Variants in AGBL4 observed in about 807,000 individuals in gnomAD.
AGBL4 encodes the protein AGBL carboxypeptidase 4, also known as cytosolic carboxypeptidase 6.
A neutral mutation model predicts 66.4 loss-of-function variants in AGBL4; 58 were observed. The observed-to-expected ratio is 0.87, with a 90% CI of 0.71 to 1.09. AGBL4 has a LOEUF of 1.09. Among genes scored for constraint, AGBL4 ranks in the 50% least tolerant of loss-of-function variants. The pLI is 0.00. For synonymous variants in AGBL4, 234 were observed against 222.9 expected, an observed-to-expected ratio of 1.05 and a Z score of -0.44; for missense variants, 579 against 631.0, an observed-to-expected ratio of 0.92 and a Z score of 0.88.
chr1:48,865,278 C>A (rs1647928292), intron 6 of AGBL4, among the ~76,000 whole-genome samples: 1 of 152,142 alleles, frequency 6.6e-6, no homozygotes, highest in African/African-American at 2.4e-5. Context: ...TCCAATGGTG[C>A]TTCCTAACCT....
intron 3 of AGBL4, among the ~76,000 whole-genome samples, chr1:49,563,939 T>G (rs1474755532): frequency 6.6e-6 from 1 of 152,234 alleles, no homozygotes; most frequent in East Asian, 1.9e-4. Context: ...CATCTGGTCC[T>G]GGACTTTTTC....
In AGBL4 at chr1:49,756,022, C is replaced by T. The variant is rs546319413; in HGVS notation, c.158-58585G>A. ...CCAGACTCACGCCAAAATTTACTTA[C>T]GTCCAAACATTTTATACTAGTGTTT... On this transcript the variant is annotated intron_variant, in intron 2 of 13. Transcript: ENST00000371839. Among the ~76,000 whole-genome samples the T allele has an allele frequency of 4.4e-4, 67 of 152,266 alleles. 2 individuals are homozygous for T. The South Asian group carries it at 8.9e-3, about 20-fold the overall frequency.
At chr1:49,713,939 A>T (rs898231509) in intron 2 of AGBL4, among the ~76,000 whole-genome samples, 1 of 151,960 alleles carries the variant, frequency 6.6e-6, no homozygotes, top group African/African-American at 2.4e-5. Context: ...TTACTTCTAA[A>T]TGGATTTTAA....
intron 2 of AGBL4, among the ~76,000 whole-genome samples, chr1:49,740,056 C>A (rs1261162762): frequency 1.3e-5 from 2 of 152,038 alleles, no homozygotes; most frequent in East Asian, 3.9e-4. Flanking sequence ...ACAATATTAA[C>A]CTTAAATATA....
intron 1 of AGBL4, among the ~76,000 whole-genome samples, chr1:49,911,635 G>A (rs2148212330): frequency 6.6e-6 from 1 of 152,254 alleles, no homozygotes; most frequent in South Asian, 2.1e-4. Context: ...CCAAAACCTA[G>A]GAGGGTCATT....
chr1:49,180,926 T>A (rs758112081), intron 4 of AGBL4, among the ~76,000 whole-genome samples: 5 of 152,206 alleles, frequency 3.3e-5, no homozygotes, highest in Non-Finnish European at 7.3e-5. Flanking sequence ...CAGACATCTG[T>A]CTTCTGTTAG....
At chr1:49,537,250 G>A (rs532410523) in intron 3 of AGBL4, among the ~76,000 whole-genome samples, 10 of 152,172 alleles carry the variant, frequency 6.6e-5, no homozygotes, top group South Asian at 2.1e-4. Flanking sequence ...AATTTATCAC[G>A]AAGATCTCAA....
chr1:48,774,150 G>C (rs992210015), intron 6 of AGBL4, among the ~76,000 whole-genome samples: 6 of 152,228 alleles, frequency 3.9e-5, no homozygotes, highest in African/African-American at 1.4e-4. Context: ...GTGTCAGAGA[G>C]ATTAATTAAT....
intron 5 of AGBL4, among the ~76,000 whole-genome samples, chr1:48,979,502 T>A (rs1398873209): frequency 6.6e-6 from 1 of 152,078 alleles, no homozygotes; most frequent in East Asian, 1.9e-4. Flanking sequence ...GGCTTAAATA[T>A]ACAGTGATAA....
At chr1:49,679,766 A>G (rs534781525) in intron 3 of AGBL4, among the ~76,000 whole-genome samples, 4 of 152,258 alleles carry the variant, frequency 2.6e-5, no homozygotes, top group Non-Finnish European at 5.9e-5. Flanking sequence ...TGCTCTAGGT[A>G]GCATACCATA....
chr1:49,593,374 T>C (rs1401083806), intron 3 of AGBL4, among the ~76,000 whole-genome samples: 1 of 152,136 alleles, frequency 6.6e-6, no homozygotes, highest in East Asian at 1.9e-4. Context: ...ACCACTGCAC[T>C]CCAGCCTGGG....
intron 5 of AGBL4, among the ~76,000 whole-genome samples, chr1:48,974,278 CCAGGAATAGGA>C (rs1311505981): frequency 6.6e-6 from 1 of 152,116 alleles, no homozygotes; most frequent in African/African-American, 2.4e-5. Context: ...CCCCATTACC[CCAGGAATAGGA>C]CAGCCTTAAT....
intron 1 of AGBL4, among the ~76,000 whole-genome samples, chr1:49,893,430 A>G (rs1444942519): frequency 1.3e-5 from 2 of 152,188 alleles, no homozygotes; most frequent in South Asian, 2.1e-4. Context: ...GAGGGACCCA[A>G]TTCTAGGCCT....
At chr1:48,668,750 C>A (rs1646229309) in intron 6 of AGBL4, among the ~76,000 whole-genome samples, 1 of 152,156 alleles carries the variant, frequency 6.6e-6, no homozygotes, top group Non-Finnish European at 1.5e-5. Flanking sequence ...ATTTTATCAG[C>A]AATGTGAGGA....
intron 3 of AGBL4, among the ~76,000 whole-genome samples, chr1:49,409,061 A>G (rs909038530): frequency 1.2e-4 from 18 of 151,896 alleles, no homozygotes; most frequent in Non-Finnish European, 2.2e-4. Flanking sequence ...AGAGGCCTAA[A>G]CCAAATCTTT....
At chr1:49,236,647 C>T (rs1479296071) in intron 4 of AGBL4, among the ~76,000 whole-genome samples, 2 of 152,112 alleles carry the variant, frequency 1.3e-5, no homozygotes, top group Admixed American at 1.3e-4. Flanking sequence ...AAGACTGCAT[C>T]TTTTATTAGT....
intron 6 of AGBL4, among the ~76,000 whole-genome samples, chr1:48,844,423 T>C (rs1558034649): frequency 6.6e-6 from 1 of 152,212 alleles, no homozygotes; most frequent in Non-Finnish European, 1.5e-5. Context: ...GTGTTTAAAA[T>C]CAATGATGCT....
intron 3 of AGBL4, among the ~76,000 whole-genome samples, chr1:49,541,662 C>G (rs748456951): frequency 6.6e-6 from 1 of 152,160 alleles, no homozygotes; most frequent in Non-Finnish European, 1.5e-5. Context: ...AGGAGCGCTG[C>G]CCCCTGCTCC....
At chr1:49,255,946 T>C (rs1344623707) in intron 3 of AGBL4, among the ~76,000 whole-genome samples, 4 of 151,968 alleles carry the variant, frequency 2.6e-5, no homozygotes, top group African/African-American at 9.7e-5. Context: ...CACTTATAAG[T>C]GGGAGCTAAA....
Sources: allele counts gnomAD v4.1 joint callset (sites outside exome capture counted in the v4.1 genomes callset), GRCh38; gene constraint gnomAD v4.1.1; transcripts MANE v1.5; gene names NCBI Gene and HGNC (gene_info 2026-07-23, HGNC 2026-07-21).